CPNE4: variants seen among roughly 807,000 people sequenced by gnomAD.
CPNE4 encodes copine 4.
In CPNE4, 25 loss-of-function variants were observed where a neutral mutation model predicts 67.9. The ratio of observed to expected loss-of-function variants is 0.37; its 90% CI spans 0.27 to 0.51. The LOEUF (loss-of-function observed/expected upper bound fraction) is 0.51. Among genes scored for constraint, CPNE4 ranks in the 20% least tolerant of loss-of-function variants. The pLI is 0.93. For synonymous variants in CPNE4, 242 were observed against 244.9 expected, an observed-to-expected ratio of 0.99 and a Z score of 0.11; for missense variants, 464 against 690.8, an observed-to-expected ratio of 0.67 and a Z score of 3.68.
intron 2 of CPNE4, among the ~76,000 whole-genome samples, chr3:131,728,399 CTG>C (rs2082048011): frequency 6.6e-6 from 1 of 152,136 alleles, no homozygotes; most frequent in African/African-American, 2.4e-5. Context: ...GCTCCAGAAC[CTG>C]TGTGTTTAAC....
intron 2 of CPNE4, among the ~76,000 whole-genome samples, chr3:131,744,206 A>G (rs528862806): frequency 6.6e-4 from 101 of 152,042 alleles, no homozygotes; most frequent in African/African-American, 2.4e-3. Flanking sequence ...CAGTATTAAT[A>G]AGAGGATTTG....
chr3:131,663,496 AT>A (rs1455861363), intron 7 of CPNE4, among the ~76,000 whole-genome samples: 4 of 152,064 alleles, frequency 2.6e-5, no homozygotes, highest in Non-Finnish European at 2.9e-5. Flanking sequence ...ATTAAAAAAA[AT>A]AATAAAGTAA....
At chr3:131,694,955 A>C (rs574020984) in intron 5 of CPNE4, among the ~76,000 whole-genome samples, 1 of 152,350 alleles carries the variant, frequency 6.6e-6, no homozygotes, top group South Asian at 2.1e-4. Context: ...TACCACACAG[A>C]ATAGATTGTT....
chr3:131,808,915 C>T (rs535623749), intron 2 of CPNE4, among the ~76,000 whole-genome samples: 9 of 152,288 alleles, frequency 5.9e-5, no homozygotes, highest in South Asian at 2.1e-4. Context: ...CCAGAAGATA[C>T]TTCACCCAAA....
intron 2 of CPNE4, among the ~76,000 whole-genome samples, chr3:131,822,512 T>C (rs2084997540): frequency 6.6e-6 from 1 of 152,222 alleles, no homozygotes; most frequent in Admixed American, 6.5e-5. Flanking sequence ...AAGGAGAAGA[T>C]AATCTGATCA....
At chr3:131,937,143 A>C (rs112132062) in intron 1 of CPNE4, among the ~76,000 whole-genome samples, 3,062 of 152,190 alleles carry the variant, frequency 0.02, 45 homozygotes, top group Non-Finnish European at 0.033. Context: ...ACAATCAAGA[A>C]ATAAATAAAT....
rs769947137 is a variant in CPNE4, at chr3:131,911,895, T to C, written c.-1-6451A>G. On this transcript the variant is annotated intron_variant, in intron 1 of 15. Transcript: ENST00000429747. ...TACACAGGACAGTGAAATCAAATTG[T>C]TTGGCTTTGGTCCAGCTGAAGCTCA... 6.6e-5 allele frequency among the ~76,000 whole-genome samples: 10 copies of C among 152,288 alleles called. No homozygotes were observed. The South Asian group carries it at 8.3e-4, about 13-fold the overall frequency.
intron 1 of CPNE4, among the ~76,000 whole-genome samples, chr3:131,976,429 G>C (rs994177269): frequency 2.6e-5 from 4 of 152,084 alleles, no homozygotes; most frequent in African/African-American, 9.7e-5. Context: ...ATTTGGGTCT[G>C]AGATGCTCTA....
At chr3:132,009,187 G>A (rs2073684842) in intron 1 of CPNE4, among the ~76,000 whole-genome samples, 2 of 152,142 alleles carry the variant, frequency 1.3e-5, no homozygotes, top group African/African-American at 4.8e-5. Flanking sequence ...TGTGGCATAT[G>A]TCAGGGTCTG....
intron 2 of CPNE4, among the ~76,000 whole-genome samples, chr3:131,765,958 C>T (rs1411606975): frequency 6.6e-6 from 1 of 152,114 alleles, no homozygotes; most frequent in Non-Finnish European, 1.5e-5. Context: ...TGTCAAGTAT[C>T]AGGGTGACCA....
In CPNE4 at chr3:131,542,571, T is replaced by G. The variant is rs1935566587; in HGVS notation, c.1525A>C (p.Arg509=). 6.2e-7 allele frequency: 1 copy of G among 1,613,764 alleles called. No individual in the cohort carries two copies. The highest frequency in any genetic ancestry group is 1.3e-5 in the African/African-American group (1 of 74,916). The part of the protein sequence containing the change: ...LRDIVQFVPF[R]NFKHASPAAL... Reference sequence around the variant, plus strand: ...TATATGCATACGTGTTTGAAGTTCCTGAAGGGCACGAACTGGACGATGTCT... The same window carrying G: ...TATATGCATACGTGTTTGAAGTTCCGGAAGGGCACGAACTGGACGATGTCT... Residue 509 remains arginine (R), a synonymous_variant, in exon 15 of 16, where the codon AGG becomes CGG. Coordinates refer to ENST00000429747, the MANE Select transcript of CPNE4 (RefSeq NM_130808.3).
At position 131,653,143 on chromosome 3, in the gene CPNE4, CT is replaced by C. The variant is rs1206489252; in HGVS notation, c.681+16531del. The stretch of plus-strand genomic sequence containing the variant: ...CTCACATGGATTACTGATAGGACTT[CT>C]TTTTTTTTTTTTTTTTTTTTTTGAG... On this transcript the variant is annotated intron_variant, in intron 7 of 15. Transcript: ENST00000429747. Among the ~76,000 whole-genome samples, 412 of 98,572 alleles carry C rather than the reference CT, an allele frequency of 4.2e-3. 1 individual carries two copies. The highest frequency in any genetic ancestry group is 0.014 in the African/African-American group (342 of 23,606). The allele number at this position is 98,572 out of a possible 152,430, so 64.7% of individuals were successfully genotyped here.
At chr3:131,843,558 G>A (rs542330841) in intron 2 of CPNE4, among the ~76,000 whole-genome samples, 4 of 152,184 alleles carry the variant, frequency 2.6e-5, no homozygotes, top group Admixed American at 6.5e-5. Flanking sequence ...CAGTGTCCAC[G>A]GTGAAAAGGA....
At position 132,034,596 on chromosome 3, in the gene CPNE4, G is replaced by C. The variant is rs16838383; in HGVS notation, c.-31C>G. On this transcript the variant is annotated 5_prime_UTR_variant, in exon 1 of 16. Transcript: ENST00000429747. ...GTGTGCCAATCTCGAAGAGTGGAGA[G>C]AGAATTCAGCCCGGGACGAGGTCTG... is the stretch of plus-strand genomic sequence containing the variant. The C allele has an allele frequency of 0.018, 18,017 of 985,418 alleles. 211 individuals are homozygous for C. Among genetic ancestry groups the C allele is most frequent in the East Asian group, 0.12 (1,081 of 8,788 alleles). The allele number at this position is 985,418 out of a possible 1,614,324, so 61.0% of individuals were successfully genotyped here.
chr3:131,887,210 C>T (rs2087929397), intron 2 of CPNE4, among the ~76,000 whole-genome samples: 1 of 152,168 alleles, frequency 6.6e-6, no homozygotes, highest in South Asian at 2.1e-4. Flanking sequence ...CTCACAAGAT[C>T]TGATGGTTTT....
At chr3:131,913,775 A>C (rs949240770) in intron 1 of CPNE4, among the ~76,000 whole-genome samples, 1 of 152,192 alleles carries the variant, frequency 6.6e-6, no homozygotes, top group African/African-American at 2.4e-5. Context: ...ACTACCATTA[A>C]CACTATTTAC....
chr3:131,575,233 G>A, intron 9 of CPNE4, 103 bp from the exon 10 acceptor site: 1 of 903,612 alleles, frequency 1.1e-6, no homozygotes, highest in Admixed American at 1.8e-5. Flanking sequence ...TAAACCAGAG[G>A]AAAGGGCAGA....
intron 3 of CPNE4, among the ~76,000 whole-genome samples, chr3:131,708,091 A>AGACT (rs10625057): frequency 0.93 from 141,045 of 151,964 alleles, 65,807 homozygotes; most frequent in Middle Eastern, 0.98. Context: ...CTATTGGCTT[A>AGACT]GGGGTCCTGG....
chr3:131,792,631 ACACACG>A lies in CPNE4; in HGVS notation c.181-69012_181-69007del, dbSNP rs1560321215. Among the ~76,000 whole-genome samples the A allele has an allele frequency of 5.0e-3, 460 of 91,216 alleles. 28 individuals are homozygous for A. Among genetic ancestry groups the A allele is most frequent in the African/African-American group, 0.019 (431 of 23,002 alleles). 59.8% of individuals were successfully genotyped at this position (91,216 alleles called of 152,430 possible). A position where few individuals can be genotyped will look rare whatever the true frequency, so the allele number is the denominator to read the frequency against. On this transcript the variant is annotated intron_variant, in intron 2 of 15. Transcript: ENST00000429747. ...TGTGTGTATATATGTATATATATAT[ACACACG>A]TGTATATATGTATATATACACACGT...
Sources: gnomAD v4.1 joint callset for allele counts (sites outside exome capture counted in the v4.1 genomes callset) on GRCh38, gnomAD v4.1.1 for gene constraint, MANE v1.5 for transcripts, NCBI Gene and HGNC (gene_info 2026-07-23, HGNC 2026-07-21) for gene names.